TTC3: variants seen among roughly 807,000 people sequenced by gnomAD.
TTC3 encodes the protein E3 ubiquitin-protein ligase TTC3.
In TTC3, 180 loss-of-function variants were observed where a neutral mutation model predicts 249.6. The ratio of observed to expected loss-of-function variants is 0.72; its 90% CI spans 0.64 to 0.82. The LOEUF (loss-of-function observed/expected upper bound fraction) is 0.82. TTC3 is among the 40% of genes least tolerant of loss of function. The probability of loss-of-function intolerance (pLI) is 0.00; values close to 1 mark genes in which losing one functional copy is unlikely to be tolerated. For synonymous variants in TTC3, 717 were observed against 805.0 expected (o/e 0.89, Z 1.85); for missense variants, 2,061 against 2,398.4 (o/e 0.86, Z 2.94).
At chr21:37,182,249 G>A (rs2082825440) in intron 35 of TTC3, among the ~76,000 whole-genome samples, 1 of 152,190 alleles carries the variant, frequency 6.6e-6, no homozygotes, top group Admixed American at 6.5e-5. Flanking sequence ...TTGACAAAGA[G>A]GGTTAGGTGT....
At chr21:37,200,783 A>C (rs751892963) in intron 45 of TTC3, among the ~76,000 whole-genome samples, 14 of 152,162 alleles carry the variant, frequency 9.2e-5, no homozygotes, top group African/African-American at 3.1e-4. Flanking sequence ...TGTGTGAACT[A>C]TCATGGTGTT....
At chr21:37,188,845 A>G (rs1481938521) in intron 39 of TTC3, among the ~76,000 whole-genome samples, 1 of 152,236 alleles carries the variant, frequency 6.6e-6, no homozygotes, top group African/African-American at 2.4e-5. Flanking sequence ...AAATTTATGA[A>G]TTATTTTTAC....
exon 12 of TTC3, chr21:37,121,840 T>C (rs745544562): frequency 6.2e-7 from 1 of 1,605,124 alleles, no homozygotes; most frequent in South Asian, 1.1e-5. Flanking sequence ...ATTGTGATGC[T>C]CTTTCTATGC....
At chr21:37,170,901 A>G (rs925528063) in intron 34 of TTC3, among the ~76,000 whole-genome samples, 4 of 152,226 alleles carry the variant, frequency 2.6e-5, no homozygotes, top group Admixed American at 2.6e-4. Context: ...TTTACATATA[A>G]TTAAACAATA....
At chr21:37,166,766 C>T in intron 33 of TTC3, 151 bp downstream of exon 33, 1 of 1,325,322 alleles carries the variant, frequency 7.5e-7, no homozygotes, top group Non-Finnish European at 1.0e-6. Context: ...AAAATATGAA[C>T]TCTTTTGTGA....
chr21:37,112,145 A>G (rs1458368393), intron 11 of TTC3, among the ~76,000 whole-genome samples: 5 of 152,222 alleles, frequency 3.3e-5, no homozygotes, highest in African/African-American at 1.2e-4. Context: ...CTAGAGAAGC[A>G]AGAGCAAACA....
At chr21:37,192,169 T>C in exon 41 of TTC3, 1 of 1,611,256 alleles carries the variant, frequency 6.2e-7, no homozygotes, top group Non-Finnish European at 8.5e-7. Flanking sequence ...CAGTGAACTT[T>C]CTAAAGTGCA....
At chr21:37,075,334 A>T (rs548095661) in intron 1 of TTC3, among the ~76,000 whole-genome samples, 19 of 152,340 alleles carry the variant, frequency 1.2e-4, no homozygotes, top group Middle Eastern at 3.4e-3. Context: ...AACTTGTTTC[A>T]GTTTTTGACT....
chr21:37,196,182 CT>C, intron 42 of TTC3, 146 bp downstream of exon 42: 2 of 999,472 alleles, frequency 2.0e-6, no homozygotes, highest in Non-Finnish European at 2.8e-6. Flanking sequence ...ACATTTCTTT[CT>C]TTTTGTAAAT....
At chr21:37,172,606 A>G (rs1291736425) in exon 35 of TTC3, 5 of 1,608,822 alleles carry the variant, frequency 3.1e-6, no homozygotes, top group Non-Finnish European at 3.4e-6. Context: ...GGGAAATTTC[A>G]CGGATTGAAA....
exon 28 of TTC3, chr21:37,156,755 C>G: frequency 6.2e-7 from 1 of 1,614,054 alleles, no homozygotes; most frequent in Non-Finnish European, 8.5e-7. Flanking sequence ...AATATGGTCA[C>G]AAACTAGACT....
At position 37,167,553 on chromosome 21, in the gene TTC3, A is replaced by G; in HGVS notation, c.4402-2A>G. The stretch of plus-strand genomic sequence containing the variant: ...GAATTTTATTTTTTGTTTTGCCCAC[A>G]GGTATCTTGGAACATAATACACCAA... On this transcript the variant is annotated splice_acceptor_variant, in intron 33 of 45. Coordinates refer to ENST00000355666, the Ensembl canonical transcript of TTC3. LOFTEE classifies it high-confidence loss of function. The G allele has an allele frequency of 6.2e-7, 1 of 1,606,388 alleles. No homozygotes were observed. Among genetic ancestry groups the G allele is most frequent in the Non-Finnish European group, 8.5e-7 (1 of 1,175,484 alleles).
At chr21:37,192,271 A>G (rs1318192564) in intron 41 of TTC3, 58 bp downstream of exon 41, 2 of 1,172,070 alleles carry the variant, frequency 1.7e-6, no homozygotes, top group Non-Finnish European at 2.4e-6. Flanking sequence ...TTAACTGGCC[A>G]AAGTAGTTAT....
chr21:37,193,655 G>C (rs183159370), intron 41 of TTC3, among the ~76,000 whole-genome samples: 8 of 152,304 alleles, frequency 5.3e-5, no homozygotes, highest in Admixed American at 3.3e-4. Context: ...AGTGTGCCAG[G>C]AGCTTGAGTA....
intron 39 of TTC3, among the ~76,000 whole-genome samples, chr21:37,190,855 A>G (rs1432377983): frequency 6.6e-6 from 1 of 152,202 alleles, no homozygotes; most frequent in Non-Finnish European, 1.5e-5. Context: ...GTCACTTTCA[A>G]TAGACCAGAT....
intron 10 of TTC3, among the ~76,000 whole-genome samples, chr21:37,103,702 C>G (rs141926295): frequency 6.6e-6 from 1 of 152,112 alleles, no homozygotes; most frequent in Admixed American, 6.6e-5. Flanking sequence ...TGGATAATGT[C>G]AGAAATGAGC....
chr21:37,196,241 T>C (rs896165276), intron 42 of TTC3, among the ~76,000 whole-genome samples: 10 of 148,906 alleles, frequency 6.7e-5, no homozygotes, highest in African/African-American at 1.7e-4. Flanking sequence ...TTCTTTCTTT[T>C]TTTTTTTTTT....
intron 1 of TTC3, 47 bp from the exon 2 acceptor site, chr21:37,087,200 A>T (rs1425144171): frequency 8.8e-6 from 14 of 1,591,608 alleles, no homozygotes; most frequent in Non-Finnish European, 1.1e-5. Context: ...TTCTTCTGTT[A>T]TCTCAAATGA....
chr21:37,144,249 A>ATATAT (rs1555889714), intron 20 of TTC3, among the ~76,000 whole-genome samples: 1 of 150,936 alleles, frequency 6.6e-6, no homozygotes, highest in Non-Finnish European at 1.5e-5. Flanking sequence ...TAATAAAAAA[A>ATATAT]ATATATATAT....
Sources: allele counts gnomAD v4.1 joint callset (sites outside exome capture counted in the v4.1 genomes callset), GRCh38; gene constraint gnomAD v4.1.1; transcripts MANE v1.5; gene names NCBI Gene and HGNC (gene_info 2026-07-23, HGNC 2026-07-21).